ZNF140: variants seen among roughly 807,000 people sequenced by gnomAD.
ZNF140 encodes zinc finger protein 140 (clone pHZ-39).
ZNF140 carries 13 observed loss-of-function variants against 12.9 expected under a neutral mutation model. That is an observed-to-expected ratio of 1.01 (90% CI 0.66 to 1.60). The LOEUF is 1.60. Among genes scored for constraint, ZNF140 ranks in the 40% most tolerant of loss-of-function variants. The pLI is 0.00. For missense variants in ZNF140, 531 were observed against 548.8 expected (o/e 0.97, Z 0.32); for synonymous variants, 214 against 186.7 (o/e 1.15, Z -1.19).
At chr12:133,097,298 G>A (rs1955163046) in intron 4 of ZNF140, among the ~76,000 whole-genome samples, 1 of 152,120 alleles carries the variant, frequency 6.6e-6, no homozygotes, top group South Asian at 2.1e-4. Flanking sequence ...GATGCACTCT[G>A]ACAATGTCTT....
At chr12:133,096,708 T>G (rs1174148476) in intron 4 of ZNF140, among the ~76,000 whole-genome samples, 1 of 152,264 alleles carries the variant, frequency 6.6e-6, no homozygotes, top group Non-Finnish European at 1.5e-5. Flanking sequence ...GATTTCTGGT[T>G]TCATTCCATT....
intron 4 of ZNF140, among the ~76,000 whole-genome samples, chr12:133,100,573 C>T (rs1319553201): frequency 6.6e-6 from 1 of 152,094 alleles, no homozygotes; most frequent in African/African-American, 2.4e-5. Context: ...TTTTCTTCTT[C>T]ATATGAATAG....
intron 4 of ZNF140, among the ~76,000 whole-genome samples, chr12:133,101,779 ATTCT>A (rs1315158998): frequency 4.6e-5 from 7 of 151,996 alleles, no homozygotes; most frequent in Non-Finnish European, 7.4e-5. Flanking sequence ...TTTCCTTTTG[ATTCT>A]TTCTTAAAAT....
intron 4 of ZNF140, among the ~76,000 whole-genome samples, chr12:133,084,598 G>C (rs1954614026): frequency 6.6e-6 from 1 of 152,202 alleles, no homozygotes; most frequent in African/African-American, 2.4e-5. Flanking sequence ...GACAGAAAAA[G>C]GGTCAGTTTT....
intron 4 of ZNF140, among the ~76,000 whole-genome samples, chr12:133,091,707 T>G (rs1954897817): frequency 6.6e-6 from 1 of 151,132 alleles, no homozygotes; most frequent in Non-Finnish European, 1.5e-5. Context: ...TTCCAGTGGT[T>G]TTAACCCAAG....
At chr12:133,095,591 C>G (rs1341592959) in intron 4 of ZNF140, among the ~76,000 whole-genome samples, 2 of 151,760 alleles carry the variant, frequency 1.3e-5, no homozygotes, top group African/African-American at 2.4e-5. Flanking sequence ...GCCCAGGGGA[C>G]CGGCATCAGC....
intron 3 of ZNF140, 42 bp downstream of exon 3, chr12:133,083,271 G>T: frequency 6.3e-7 from 1 of 1,588,638 alleles, no homozygotes. Context: ...AAATTTGACC[G>T]TTAGGGTGGC....
chr12:133,104,354 A>ATC (rs1955487708), intron 4 of ZNF140, among the ~76,000 whole-genome samples: 1 of 144,314 alleles, frequency 6.9e-6, no homozygotes, highest in African/African-American at 2.6e-5. Flanking sequence ...TAAAGATACA[A>ATC]TTTTTTTTTT....
intron 4 of ZNF140, chr12:133,084,034 C>A: frequency 3.0e-6 from 1 of 330,276 alleles, no homozygotes; most frequent in South Asian, 2.4e-5. Flanking sequence ...TACTTCATAC[C>A]CAATTCTGTT....
intron 4 of ZNF140, among the ~76,000 whole-genome samples, chr12:133,104,038 G>T (rs1473328816): frequency 6.6e-6 from 1 of 152,172 alleles, no homozygotes; most frequent in East Asian, 1.9e-4. Context: ...TTTCATCAAA[G>T]AAACAGTCTA....
At chr12:133,088,653 T>C (rs1954761341) in intron 4 of ZNF140, among the ~76,000 whole-genome samples, 1 of 152,346 alleles carries the variant, frequency 6.6e-6, no homozygotes, top group African/African-American at 2.4e-5. Flanking sequence ...GGTAAGAATA[T>C]ATTTAGTTTT....
intron 4 of ZNF140, among the ~76,000 whole-genome samples, chr12:133,097,770 C>T (rs1955181758): frequency 1.3e-5 from 2 of 151,340 alleles, no homozygotes; most frequent in African/African-American, 4.9e-5. Flanking sequence ...CCTTTTGCCT[C>T]AGTCTCCCAA....
chr12:133,105,487 A>AC, intron 4 of ZNF140, 23 bp from the exon 5 acceptor site: 1 of 1,442,772 alleles, frequency 6.9e-7, no homozygotes, highest in Non-Finnish European at 9.5e-7. Flanking sequence ...AGAAACATTC[A>AC]CTTTTTTTTT....
intron 4 of ZNF140, 69 bp downstream of exon 4, chr12:133,083,630 T>G (rs796291312): frequency 2.8e-6 from 4 of 1,439,758 alleles, no homozygotes; most frequent in African/African-American, 1.4e-5. Context: ...AAAGGAATAC[T>G]TTTTAATATG....
At position 133,105,810 on chromosome 12, in the gene ZNF140, T is replaced by A; in HGVS notation, c.533T>A (p.Leu178Ter). ...KTFGRRFSLVLHQRTHTGEKP... is the reference protein window; with the variant it reads ...KTFGRRFSLV ...TTTGGTCGACGCTTTTCCCTGGTGT[T>A]ACACCAGAGGACTCATACTGGAGAG... Residue 178 changes from leucine (L) to a stop codon, truncating the protein, a stop_gained, in exon 5 of 5, where the codon TTA becomes TAA. Transcript: ENST00000355557. LOFTEE classifies it low-confidence loss of function (END_TRUNC). 6.2e-7 allele frequency: 1 copy of A among 1,614,174 alleles called. No individual in the cohort carries two copies. The highest frequency in any genetic ancestry group is 8.5e-7 in the Non-Finnish European group (1 of 1,180,034).
At chr12:133,105,229 G>A (rs1034921771) in intron 4 of ZNF140, among the ~76,000 whole-genome samples, 1 of 152,134 alleles carries the variant, frequency 6.6e-6, no homozygotes, top group Admixed American at 6.5e-5. Context: ...TGGTGAAGAA[G>A]ACTAGCAACC....
rs1441583354 is a variant in ZNF140 at position 133,105,735 on chromosome 12, A to C, written c.458A>C (p.Asn153Thr). The C allele has an allele frequency of 6.2e-7, 1 of 1,614,194 alleles. No individual in the cohort carries two copies. The highest frequency in any genetic ancestry group is 1.3e-5 in the African/African-American group (1 of 75,050). ...CAAGAAGCCCTGGCTCAACATATGAATATCAGTACTGTGGAGAGGCCCTAT... is the reference window on the plus strand; with the variant it reads ...CAAGAAGCCCTGGCTCAACATATGACTATCAGTACTGTGGAGAGGCCCTAT... Reference protein sequence around the residue: ...SHQEALAQHMNISTVERPYGC... With the variant: ...SHQEALAQHMTISTVERPYGC... Residue 153 changes from asparagine (N) to threonine (T), a missense_variant, in exon 5 of 5, where the codon AAT becomes ACT. By Grantham distance (65) the Asn-to-Thr change is moderately conservative. Transcript: ENST00000355557.
In ZNF140 at chr12:133,106,069, A is replaced by G. The variant is rs710945; in HGVS notation, c.792A>G (p.Gln264=). 948,507 of 1,613,810 alleles carry G rather than the reference A, an allele frequency of 0.59. 286,043 individuals are homozygous for G. The highest frequency in any genetic ancestry group is 0.8 in the African/African-American group (60,077 of 74,972). ...GTGCCTCCAACCTCACTCGACATCA[A>G]AGAATTCACATAGGAAAGAAACAAT... ...FSRASNLTRH[Q]RIHIGKKQYI... is the part of the protein sequence containing the mutation. The change falls in exon 5 of 5, where the codon CAA becomes CAG. Residue 264 remains glutamine, a synonymous_variant. Transcript: ENST00000355557.
intron 4 of ZNF140, among the ~76,000 whole-genome samples, chr12:133,095,535 G>A (rs1357694454): frequency 6.6e-6 from 1 of 151,588 alleles, no homozygotes; most frequent in East Asian, 1.9e-4. Flanking sequence ...GAGAGACTGA[G>A]AAAAGAAAGA....
Sources: gnomAD v4.1 joint callset for allele counts (sites outside exome capture counted in the v4.1 genomes callset) on GRCh38, gnomAD v4.1.1 for gene constraint, MANE v1.5 for transcripts, NCBI Gene and HGNC (gene_info 2026-07-23, HGNC 2026-07-21) for gene names.